KCNIP2: variants seen among roughly 807,000 people sequenced by gnomAD.
KCNIP2 encodes the protein A-type potassium channel modulatory protein KCNIP2.
In KCNIP2, 19 loss-of-function variants were observed where a neutral mutation model predicts 39.0. The observed-to-expected ratio is 0.49, with a 90% CI of 0.34 to 0.71. The LOEUF is 0.71. KCNIP2 is among the 30% of genes least tolerant of loss of function. The pLI is 0.01. For missense variants in KCNIP2, 261 were observed against 346.0 expected, an observed-to-expected ratio of 0.75 and a Z score of 1.95; for synonymous variants, 111 against 131.2, an observed-to-expected ratio of 0.85 and a Z score of 1.05.
At position 101,843,479 on chromosome 10, in the gene KCNIP2, C is replaced by A; in HGVS notation, c.73+17G>T. 6.5e-7 allele frequency: 1 copy of A among 1,528,056 alleles called. No homozygotes were observed. The highest frequency in any genetic ancestry group is 1.9e-5 in the Admixed American group (1 of 51,806). The allele number at this position is 1,528,056 out of a possible 1,614,324, so 94.7% of individuals were successfully genotyped here. On this transcript the variant is annotated intron_variant, in intron 1 of 9. Coordinates refer to ENST00000356640, the MANE Select transcript of KCNIP2 (RefSeq NM_173191.3). The surrounding 1 kb of genome is among the most constrained non-coding windows in gnomAD (Gnocchi z 6.7). ...GAATCCACCCTCCCTCCCGCGACCC[C>A]CACGTCACTGACTCACCCGTGAGCT...
chr10:101,827,336 AC>A lies in KCNIP2; in HGVS notation c.*16del. The stretch of plus-strand genomic sequence containing the variant: ...AGCATGGTCCCCCCAGGAAACACTG[AC>A]CCCCTCTCCTGGGGGCTAGATGACA... On this transcript the variant is annotated 3_prime_UTR_variant, in exon 10 of 10. Coordinates refer to ENST00000356640, the MANE Select transcript of KCNIP2 (RefSeq NM_173191.3). 2 of 1,594,012 alleles carry A rather than the reference AC, an allele frequency of 1.3e-6. No individual in the cohort carries two copies. The highest frequency in any genetic ancestry group is 1.1e-5 in the South Asian group (1 of 89,390).
At position 101,828,245 on chromosome 10, in the gene KCNIP2, C is replaced by G; in HGVS notation, c.503G>C (p.Gly168Ala). 6.2e-7 allele frequency: 1 copy of G among 1,614,144 alleles called. No individual in the cohort carries two copies. The highest frequency in any genetic ancestry group is 1.3e-5 in the African/African-American group (1 of 75,024). Residue 168 changes from glycine (G) to alanine (A), a missense_variant, in exon 7 of 10, where the codon GGT (glycine) becomes GCT (alanine). Coordinates refer to ENST00000356640, the MANE Select transcript of KCNIP2 (RefSeq NM_173191.3). The surrounding 1 kb of genome is among the most constrained non-coding windows in gnomAD (Gnocchi z 6.6). ...GSVSFEDFVA[G>A]LSVILRGTVD... The stretch of plus-strand genomic sequence containing the variant: ...AGTTCCCCGAAGAATCACGGACAAA[C>G]CAGCCACAAAGTCCTGGGAAGGAGG...
intron 1 of KCNIP2, among the ~76,000 whole-genome samples, chr10:101,832,422 G>A (rs1234341594): frequency 6.6e-6 from 1 of 151,812 alleles, no homozygotes; most frequent in East Asian, 1.9e-4. Context: ...GTTGGCCTCA[G>A]TCCATTCCTG....
Position 101,828,954 on chromosome 10 carries a change from A to G in KCNIP2, c.348+121T>C. ...AACCTCCAGCTAGAAGTTCAGTCTC[A>G]GGGCCTTGCCTCCCTTCCGCCCACA... On this transcript the variant is annotated intron_variant, in intron 4 of 9. Coordinates refer to ENST00000356640, the MANE Select transcript of KCNIP2 (RefSeq NM_173191.3). This position sits in a 1 kb window ranked among gnomAD's most constrained non-coding sequence, Gnocchi z 6.6. The G allele has an allele frequency of 6.6e-7, 1 of 1,519,798 alleles. No homozygotes were observed. Among genetic ancestry groups the G allele is most frequent in the Non-Finnish European group, 8.9e-7 (1 of 1,129,680 alleles). The allele number at this position is 1,519,798 out of a possible 1,614,324, so 94.1% of individuals were successfully genotyped here. A position where few individuals can be genotyped will look rare whatever the true frequency, so the allele number is the denominator to read the frequency against.
At position 101,829,912 on chromosome 10, in the gene KCNIP2, C is replaced by T; in HGVS notation, c.170-15G>A. 6.5e-7 allele frequency: 1 copy of T among 1,540,682 alleles called. No homozygotes were observed. ...GGCGGCTAATGCTGAAGGGAGCGAA[C>T]TGTCACCGAGAAAGCGGAAGACCCG... is the stretch of plus-strand genomic sequence containing the variant. On this transcript the variant is annotated splice_polypyrimidine_tract_variant and intron_variant, in intron 2 of 9. Transcript: ENST00000356640.
At chr10:101,842,877 A>G (rs991479863) in intron 1 of KCNIP2, among the ~76,000 whole-genome samples, 3 of 152,152 alleles carry the variant, frequency 2.0e-5, no homozygotes, top group Non-Finnish European at 2.9e-5. Context: ...ACACAACACA[A>G]CCTACTTTAA....
At chr10:101,833,666 C>T (rs539626142) in intron 1 of KCNIP2, among the ~76,000 whole-genome samples, 1 of 152,240 alleles carries the variant, frequency 6.6e-6, no homozygotes, top group South Asian at 2.1e-4. Context: ...CATGCCCTGT[C>T]ACTCTCACAC....
chr10:101,839,731 TC>T (rs769158047), intron 1 of KCNIP2: 3 of 1,607,782 alleles, frequency 1.9e-6, no homozygotes, highest in Non-Finnish European at 1.7e-6. Context: ...ATCCTGCCCC[TC>T]CCTTCCCTTC....
At position 101,838,715 on chromosome 10, in the gene KCNIP2, C is replaced by A. The variant is rs981155130; in HGVS notation, c.73+4781G>T. Reference sequence around the variant, plus strand: ...TCCAGGTATGGTTCTGGCTCAGGACCATCCATCTACCCTCCTTTTGGGGGA... The same window carrying A: ...TCCAGGTATGGTTCTGGCTCAGGACAATCCATCTACCCTCCTTTTGGGGGA... On this transcript the variant is annotated intron_variant, in intron 1 of 9. Transcript: ENST00000356640. The surrounding 1 kb of genome is among the most constrained non-coding windows in gnomAD (Gnocchi z 4.0). 2.6e-5 allele frequency among the ~76,000 whole-genome samples: 4 copies of A among 152,194 alleles called. No homozygotes were observed. Among genetic ancestry groups the A allele is most frequent in the Admixed American group, 2.6e-4 (4 of 15,278 alleles).
rs1324707908 is a variant in KCNIP2 at position 101,828,141 on chromosome 10, TG to T, written c.597+9del. On this transcript the variant is annotated intron_variant, in intron 7 of 9. Transcript: ENST00000356640. This position sits in a 1 kb window ranked among gnomAD's most constrained non-coding sequence, Gnocchi z 6.6. ...CGCCACAGACCCCCAGCCCTTCAGTTGCCCTGCACCTCCTTGGTGATGCAGC... is the reference window on the plus strand; with the variant it reads ...CGCCACAGACCCCCAGCCCTTCAGTTCCCTGCACCTCCTTGGTGATGCAGC... 2 of 1,612,124 alleles carry T rather than the reference TG, an allele frequency of 1.2e-6. No homozygotes were observed. The highest frequency in any genetic ancestry group is 1.7e-6 in the Non-Finnish European group (2 of 1,178,334).
chr10:101,831,209 T>A (rs201061453), intron 1 of KCNIP2, 42 bp from the exon 2 acceptor site: 2 of 1,418,348 alleles, frequency 1.4e-6, no homozygotes, highest in Non-Finnish European at 1.9e-6. Flanking sequence ...TTAACTCCCA[T>A]TGTCCCTCTG....
chr10:101,838,258 C>A lies in KCNIP2; in HGVS notation c.73+5238G>T, dbSNP rs375480991. ...GTGGGAACTCAAGGGAAAACCATCT[C>A]GAGGCATGAGGTGGGCCTTCCCCAG... On this transcript the variant is annotated intron_variant, in intron 1 of 9. Coordinates refer to ENST00000356640, the MANE Select transcript of KCNIP2 (RefSeq NM_173191.3). This position sits in a 1 kb window ranked among gnomAD's most constrained non-coding sequence, Gnocchi z 4.0. Among the ~76,000 whole-genome samples, 7 of 152,212 alleles carry A rather than the reference C, an allele frequency of 4.6e-5. No homozygotes were observed. The highest frequency in any genetic ancestry group is 1.7e-4 in the African/African-American group (7 of 41,454).
At chr10:101,835,265 C>T (rs1262410668) in intron 1 of KCNIP2, among the ~76,000 whole-genome samples, 1 of 152,126 alleles carries the variant, frequency 6.6e-6, no homozygotes, top group Non-Finnish European at 1.5e-5. Flanking sequence ...ATTTGGTTGC[C>T]ATGGAGACTG....
rs761953139 is a variant in KCNIP2 at position 101,828,031 on chromosome 10, C to T, written c.598-38G>A. ...GAGAGAAGAGGATCCTTCCTCAGAG[C>T]CTCCAGCCTCCCTTGATCCCTTGCT... is the stretch of plus-strand genomic sequence containing the variant. On this transcript the variant is annotated intron_variant, in intron 7 of 9. Transcript: ENST00000356640. This position sits in a 1 kb window ranked among gnomAD's most constrained non-coding sequence, Gnocchi z 6.6. 1 of 1,578,182 alleles carries T rather than the reference C, an allele frequency of 6.3e-7. No homozygotes were observed. The highest frequency in any genetic ancestry group is 8.7e-7 in the Non-Finnish European group (1 of 1,147,416).
intron 2 of KCNIP2, 50 bp downstream of exon 2, chr10:101,831,022 C>G (rs781101910): frequency 3.3e-5 from 49 of 1,476,990 alleles, no homozygotes; most frequent in Non-Finnish European, 4.4e-5. Context: ...TGCACAGACA[C>G]GCACGCACAC....
rs1589887021 is a variant in KCNIP2 at position 101,843,714 on chromosome 10, G to A, written c.-146C>T. 2 of 443,520 alleles carry A rather than the reference G, an allele frequency of 4.5e-6. No homozygotes were observed. Among genetic ancestry groups the A allele is most frequent in the South Asian group, 9.3e-5 (2 of 21,480 alleles). 27.5% of individuals were successfully genotyped at this position (443,520 alleles called of 1,614,324 possible). ...TGAGGCTGAGTCTGGGAATGGGCCC[G>A]GGGTCTGAGGTCTACCCGGAGGTCC... On this transcript the variant is annotated 5_prime_UTR_variant, in exon 1 of 10. Transcript: ENST00000356640. The surrounding 1 kb of genome is among the most constrained non-coding windows in gnomAD (Gnocchi z 6.7).
chr10:101,831,239 CA>C, intron 1 of KCNIP2, 72 bp from the exon 2 acceptor site: 1 of 1,181,232 alleles, frequency 8.5e-7, no homozygotes, highest in South Asian at 1.5e-5. Context: ...CCCTCCCCGC[CA>C]GTCACAAATC....
chr10:101,839,635 G>T (rs745601799), intron 1 of KCNIP2: 76 of 909,328 alleles, frequency 8.4e-5, no homozygotes, highest in Admixed American at 1.3e-4. Flanking sequence ...TTCCTTGGAG[G>T]GATGTTGCTC....
chr10:101,842,798 A>G (rs2066371233), intron 1 of KCNIP2, among the ~76,000 whole-genome samples: 1 of 152,196 alleles, frequency 6.6e-6, no homozygotes, highest in Non-Finnish European at 1.5e-5. Context: ...ACACTCACAG[A>G]GCCCCGCTGC....
Sources: allele counts gnomAD v4.1 joint callset (sites outside exome capture counted in the v4.1 genomes callset), GRCh38; gene constraint gnomAD v4.1.1; non-coding constraint Gnocchi (gnomAD v3.1); transcripts MANE v1.5; gene names NCBI Gene and HGNC (gene_info 2026-07-23, HGNC 2026-07-21).